Variants in PCDHA1 observed in about 807,000 individuals in gnomAD.
PCDHA1 encodes protocadherin alpha-1.
PCDHA1 carries 42 observed loss-of-function variants against 61.3 expected under a neutral mutation model. The observed-to-expected ratio is 0.69, with a 90% confidence interval of 0.54 to 0.89. The LOEUF (loss-of-function observed/expected upper bound fraction) is 0.89. PCDHA1 is among the 40% of genes least tolerant of loss of function. The pLI, the probability that PCDHA1 is intolerant of heterozygous loss-of-function variation, is 0.00. For synonymous variants in PCDHA1, 610 were observed against 553.8 expected (o/e 1.10, Z -1.43); for missense variants, 1,256 against 1,235.3 (o/e 1.02, Z -0.25).
At position 140,928,189 on chromosome 5, in the gene PCDHA1, G is replaced by GTGA. The variant is rs1321549982; in HGVS notation, c.2395-50758_2395-50757insATG. On this transcript the variant is annotated intron_variant, in intron 1 of 3. Transcript: ENST00000504120. The stretch of plus-strand genomic sequence containing the variant: ...ACTTAGCACCCGAAGGACAATCACT[G>GTGA]TGTCAGTTGCTGATGTGAATGACAA... 5 of 1,614,096 alleles carry GTGA rather than the reference G, an allele frequency of 3.1e-6. No homozygotes were observed. In the East Asian group the frequency reaches 8.9e-5, roughly 29 times the overall value.
At chr5:140,807,477 G>C (rs111900306) in intron 1 of PCDHA1, 17 of 1,613,078 alleles carry the variant, frequency 1.1e-5, no homozygotes, top group Non-Finnish European at 1.4e-5. Flanking sequence ...GAGCTGTGCC[G>C]GCGGAGCGCG....
At chr5:141,007,328 A>G (rs1018961755) in intron 3 of PCDHA1, among the ~76,000 whole-genome samples, 1 of 149,092 alleles carries the variant, frequency 6.7e-6, no homozygotes, top group African/African-American at 2.5e-5. Context: ...AAGTGGACAG[A>G]TTGCCTGAGC....
intron 1 of PCDHA1, chr5:140,802,782 G>C: frequency 1.2e-6 from 2 of 1,613,298 alleles, no homozygotes; most frequent in Non-Finnish European, 1.7e-6. Flanking sequence ...CGAGGAGCTA[G>C]AGCTGCTGCA....
chr5:140,967,928 A>G, intron 1 of PCDHA1: 1 of 1,614,200 alleles, frequency 6.2e-7, no homozygotes, highest in South Asian at 1.1e-5. Context: ...GGCCGTTCTC[A>G]GTGTCAATGA....
chr5:140,900,227 G>C (rs1425549345), intron 1 of PCDHA1, among the ~76,000 whole-genome samples: 1 of 152,038 alleles, frequency 6.6e-6, no homozygotes, highest in Admixed American at 6.6e-5. Flanking sequence ...CAAATGACTG[G>C]ATCTTGTTTT....
chr5:140,786,257 G>T lies in PCDHA1; in HGVS notation c.-34G>T, dbSNP rs1393867620. The T allele has an allele frequency of 1.3e-6, 2 of 1,542,438 alleles. No homozygotes were observed. Among genetic ancestry groups the T allele is most frequent in the African/African-American group, 2.8e-5 (2 of 72,424 alleles). The stretch of plus-strand genomic sequence containing the variant: ...ATAAAATGGCATGATTTTGAAGTAA[G>T]AGGAGAGCATAAGAAAGGTGTAGTC... On this transcript the variant is annotated 5_prime_UTR_variant, in exon 1 of 4. Coordinates refer to ENST00000504120, the MANE Select transcript of PCDHA1 (RefSeq NM_018900.4).
At chr5:140,884,543 T>A (rs1582792528) in intron 1 of PCDHA1, 1 of 1,614,034 alleles carries the variant, frequency 6.2e-7, no homozygotes, top group Non-Finnish European at 8.5e-7. Flanking sequence ...GCCGAGGGTG[T>A]GCTCTGGGGA....
rs1019397100 is a variant in PCDHA1, at chr5:140,953,409, G to A, written c.2395-25540G>A. On this transcript the variant is annotated intron_variant, in intron 1 of 3. Transcript: ENST00000504120. ...TGTGGATTACAGTGCTGTTGCTCCTGGCTCCTCCCCTTTGTCCTTAAGCTG... is the reference window on the plus strand; with the variant it reads ...TGTGGATTACAGTGCTGTTGCTCCTAGCTCCTCCCCTTTGTCCTTAAGCTG... Among the ~76,000 whole-genome samples, 14 of 152,194 alleles carry A rather than the reference G, an allele frequency of 9.2e-5. No individual in the cohort carries two copies. The South Asian group carries it at 2.9e-3, about 32-fold the overall frequency.
At chr5:140,931,951 G>A (rs1366094994) in intron 1 of PCDHA1, among the ~76,000 whole-genome samples, 1 of 151,826 alleles carries the variant, frequency 6.6e-6, no homozygotes, top group Non-Finnish European at 1.5e-5. Flanking sequence ...GAGTCTTACA[G>A]AATCATGTTG....
chr5:140,803,459 G>A (rs1333892041), intron 1 of PCDHA1: 2 of 1,614,130 alleles, frequency 1.2e-6, no homozygotes, highest in African/African-American at 1.3e-5. Context: ...CGCAGCAGAG[G>A]CAGCAGAGGG....
Position 141,009,950 on chromosome 5 carries a change from G to C in PCDHA1, c.*13G>C, listed in dbSNP as rs782235440. On this transcript the variant is annotated 3_prime_UTR_variant, in exon 4 of 4. Coordinates refer to ENST00000504120, the MANE Select transcript of PCDHA1 (RefSeq NM_018900.4). ...CAGTGACCAGTGAGGTCCTCAAATGGAAACAAGCCACTTAGCCAGTTTTTG... is the reference window on the plus strand; with the variant it reads ...CAGTGACCAGTGAGGTCCTCAAATGCAAACAAGCCACTTAGCCAGTTTTTG... 12 of 1,593,098 alleles carry C rather than the reference G, an allele frequency of 7.5e-6. No individual in the cohort carries two copies. In the East Asian group the frequency reaches 2.5e-4, roughly 33 times the overall value.
At chr5:140,823,540 G>T (rs1767756173) in intron 1 of PCDHA1, 3 of 1,613,850 alleles carry the variant, frequency 1.9e-6, no homozygotes, top group Non-Finnish European at 1.7e-6. Context: ...TGCGGGCCAC[G>T]TGGTGGCGAA....
chr5:140,843,630 T>C (rs1554140293), intron 1 of PCDHA1: 3 of 1,595,936 alleles, frequency 1.9e-6, no homozygotes, highest in Non-Finnish European at 2.6e-6. Flanking sequence ...ACGGACCTCA[T>C]GGCCTTCAGC....
intron 1 of PCDHA1, chr5:140,834,284 A>T: frequency 8.6e-7 from 1 of 1,167,116 alleles, no homozygotes; most frequent in Non-Finnish European, 1.2e-6. Flanking sequence ...TTGGATGCAC[A>T]ACAATGGCCA....
intron 1 of PCDHA1, chr5:140,851,137 A>G (rs2041971194): frequency 2.3e-6 from 3 of 1,313,646 alleles, no homozygotes; most frequent in South Asian, 2.5e-5. Flanking sequence ...TTGTGATTAA[A>G]GTGACATTGA....
chr5:140,822,254 A>C, intron 1 of PCDHA1: 1 of 1,614,260 alleles, frequency 6.2e-7, no homozygotes, highest in Non-Finnish European at 8.5e-7. Flanking sequence ...TCGGATTTGG[A>C]TATTGGAGCA....
chr5:140,875,586 G>T, intron 1 of PCDHA1: 1 of 1,614,024 alleles, frequency 6.2e-7, no homozygotes, highest in South Asian at 1.1e-5. Flanking sequence ...TCTACGAGGA[G>T]GCCAAACACG....
In PCDHA1 at chr5:141,010,551, C is replaced by T. The variant is rs2098417607; in HGVS notation, c.*614C>T. ...AGCCACCCTCTAGGAGACAAAACTA[C>T]CCCCACTGACAAGGCTTTAGGAGAC... On this transcript the variant is annotated 3_prime_UTR_variant, in exon 4 of 4. Coordinates refer to ENST00000504120, the MANE Select transcript of PCDHA1 (RefSeq NM_018900.4). The T allele has an allele frequency of 9.3e-6, 3 of 323,786 alleles. No homozygotes were observed. Among genetic ancestry groups the T allele is most frequent in the African/African-American group, 2.1e-5 (1 of 47,406 alleles). The allele number at this position is 323,786 out of a possible 1,614,324, so 20.1% of individuals were successfully genotyped here.
chr5:140,887,153 G>C (rs950456487), intron 1 of PCDHA1, among the ~76,000 whole-genome samples: 1 of 151,288 alleles, frequency 6.6e-6, no homozygotes, highest in South Asian at 2.1e-4. Flanking sequence ...CTGGAGTACA[G>C]TGGCGTGATC....
Sources: allele counts gnomAD v4.1 joint callset (sites outside exome capture counted in the v4.1 genomes callset), GRCh38; gene constraint gnomAD v4.1.1; transcripts MANE v1.5; gene names NCBI Gene and HGNC (gene_info 2026-07-23, HGNC 2026-07-21).